Variants in FBXW12 observed in about 807,000 individuals in gnomAD.
FBXW12 encodes F-box and WD repeat domain containing 12, also known as F-box/WD repeat-containing protein 12.
In FBXW12, 43 loss-of-function variants were observed where a neutral mutation model predicts 55.3. The observed-to-expected ratio is 0.78, with a 90% CI of 0.61 to 1.00. FBXW12 has a LOEUF of 1.00. Ranked by LOEUF, FBXW12 falls within the 50% of genes least tolerant of loss-of-function variation. The probability of loss-of-function intolerance (pLI) is 0.00; values close to 1 mark genes in which losing one functional copy is unlikely to be tolerated. For missense variants in FBXW12, 524 were observed against 560.5 expected (o/e 0.93, Z 0.66); for synonymous variants, 184 against 203.8 (o/e 0.90, Z 0.83).
At position 48,372,782 on chromosome 3, in the gene FBXW12, G is replaced by T; in HGVS notation, c.15G>T (p.Leu5Phe). MEIRLPDLALKRIFS... is the reference protein window; with the variant it reads MEIRFPDLALKRIFS... ...GGCCGCATGAAATGGAGATCCGATT[G>T]CCTGACTTAGCTTTGAAGCGAATCT... is the stretch of plus-strand genomic sequence containing the variant. Residue 5 changes from leucine to phenylalanine, a missense_variant, in exon 2 of 11, where the codon TTG becomes TTT. Physicochemically the swap from Leu to Phe is conservative, Grantham distance 22 (BLOSUM62 0). Transcript: ENST00000296438. The T allele has an allele frequency of 6.2e-7, 1 of 1,614,220 alleles. No homozygotes were observed. The highest frequency in any genetic ancestry group is 8.5e-7 in the Non-Finnish European group (1 of 1,180,026).
chr3:48,382,168 G>A, intron 10 of FBXW12, 83 bp downstream of exon 10: 1 of 1,459,800 alleles, frequency 6.9e-7, no homozygotes, highest in Admixed American at 2.0e-5. Flanking sequence ...CCAGGCTGTA[G>A]TGCAGTGGCG....
rs2036752595 is a variant in FBXW12, at chr3:48,380,686, G to A, written c.775-16G>A. On this transcript the variant is annotated splice_polypyrimidine_tract_variant and intron_variant, in intron 7 of 10. Coordinates refer to ENST00000296438, the MANE Select transcript of FBXW12 (RefSeq NM_207102.2). ...AAGTTCCCTGCCCCTGACCATGCAT[G>A]CGATGCTCTCTTTAGGTATTCCTCA... 6.3e-7 allele frequency: 1 copy of A among 1,597,388 alleles called. No homozygotes were observed. Among genetic ancestry groups the A allele is most frequent in the Non-Finnish European group, 8.6e-7 (1 of 1,164,770 alleles).
chr3:48,374,764 C>CTT lies in FBXW12; in HGVS notation c.287-569_287-568dup, dbSNP rs66751439. On this transcript the variant is annotated intron_variant, in intron 4 of 10. Transcript: ENST00000296438. ...TGTACCTGGCCTAATCCTGATAACA[C>CTT]TTTTTTTTTTTTTTTTTTTTTTAAA... 3.4e-3 allele frequency among the ~76,000 whole-genome samples: 278 copies of CTT among 82,652 alleles called. 3 individuals are homozygous for CTT. The highest frequency in any genetic ancestry group is 5.5e-3 in the Admixed American group (38 of 6,856). The allele number at this position is 82,652 out of a possible 152,430, so 54.2% of individuals were successfully genotyped here.
chr3:48,374,329 A>ATTT (rs35433340), intron 4 of FBXW12, among the ~76,000 whole-genome samples: 10,171 of 137,814 alleles, frequency 0.074, 955 homozygotes, highest in African/African-American at 0.22. Context: ...CAACCAGTTG[A>ATTT]TTTTTTTTTT....
At chr3:48,393,367 G>A (rs1301437877) in intron 10 of FBXW12, among the ~76,000 whole-genome samples, 1 of 152,182 alleles carries the variant, frequency 6.6e-6, no homozygotes, top group African/African-American at 2.4e-5. Context: ...AGTGTCTTCA[G>A]GGCCTGGTGG....
intron 5 of FBXW12, 111 bp downstream of exon 5, chr3:48,375,583 A>C (rs2036671154): frequency 1.5e-6 from 1 of 666,480 alleles, no homozygotes. Context: ...ACAAAAACAA[A>C]GTGTCAAATC....
At chr3:48,375,314 T>C (rs775307950) in intron 4 of FBXW12, 40 bp from the exon 5 acceptor site, 2 of 1,213,904 alleles carry the variant, frequency 1.6e-6, no homozygotes, top group Non-Finnish European at 2.4e-6. Context: ...GGATCATCCC[T>C]TAACTATCTG....
At chr3:48,386,547 G>A (rs1031075166) in intron 10 of FBXW12, among the ~76,000 whole-genome samples, 6 of 152,178 alleles carry the variant, frequency 3.9e-5, no homozygotes, top group Non-Finnish European at 7.3e-5. Context: ...AATTTTGATA[G>A]GGATTGCATT....
rs748242999 is a variant in FBXW12, at chr3:48,373,381, A to T, written c.128+36A>T. On this transcript the variant is annotated intron_variant, in intron 3 of 10. Coordinates refer to ENST00000296438, the MANE Select transcript of FBXW12 (RefSeq NM_207102.2). ...GGAAAGGGCAAGGAGGGAAGGGGAG[A>T]GGAGATCATCTGACTGCGCACCCAT... 3.7e-6 allele frequency: 6 copies of T among 1,613,552 alleles called. No individual in the cohort carries two copies. In the African/African-American group the frequency reaches 6.7e-5, roughly 18 times the overall value.
chr3:48,386,725 T>G (rs997193896), intron 10 of FBXW12, among the ~76,000 whole-genome samples: 1 of 152,228 alleles, frequency 6.6e-6, no homozygotes, highest in African/African-American at 2.4e-5. Flanking sequence ...CTCAAGTATT[T>G]CAGTTTTGGA....
intron 10 of FBXW12, among the ~76,000 whole-genome samples, chr3:48,390,130 T>G (rs570007454): frequency 1.3e-5 from 2 of 152,332 alleles, no homozygotes; most frequent in East Asian, 3.9e-4. Context: ...TATAGTATAG[T>G]TTGAAGTCAG....
chr3:48,392,590 T>C (rs2036945351), intron 10 of FBXW12, among the ~76,000 whole-genome samples: 1 of 152,184 alleles, frequency 6.6e-6, no homozygotes, highest in Admixed American at 6.5e-5. Context: ...TGGCTTTGAC[T>C]ATTTGGGGTC....
intron 1 of FBXW12, 139 bp from the exon 2 acceptor site, chr3:48,372,544 TG>T: frequency 9.3e-7 from 1 of 1,080,490 alleles, no homozygotes; most frequent in Non-Finnish European, 1.3e-6. Flanking sequence ...CACTAACAAG[TG>T]GGTTTAGGTA....
chr3:48,374,393 T>A (rs1053189655), intron 4 of FBXW12, among the ~76,000 whole-genome samples: 1 of 151,232 alleles, frequency 6.6e-6, no homozygotes, highest in Non-Finnish European at 1.5e-5. Context: ...AATGGCACGA[T>A]CTCGGCTCAC....
Position 48,394,715 on chromosome 3 carries a change from T to C in FBXW12, c.*56T>C. On this transcript the variant is annotated 3_prime_UTR_variant, in exon 11 of 11. Transcript: ENST00000296438. ...ATCTTCTGCAATGTAGTAAAGAAAT[T>C]CTATTTGCAAGCCCAGAATGATTAT... 1.1e-6 allele frequency: 1 copy of C among 951,948 alleles called. No individual in the cohort carries two copies. Among genetic ancestry groups the C allele is most frequent in the South Asian group, 1.4e-5 (1 of 70,754 alleles). The allele number at this position is 951,948 out of a possible 1,614,324, so 59.0% of individuals were successfully genotyped here.
chr3:48,374,786 T>TA (rs375032054), intron 4 of FBXW12, among the ~76,000 whole-genome samples: 10 of 120,150 alleles, frequency 8.3e-5, no homozygotes, highest in Non-Finnish European at 1.0e-4. Flanking sequence ...TTTTTTTTTT[T>TA]AAAAACAGAG....
intron 10 of FBXW12, among the ~76,000 whole-genome samples, chr3:48,391,469 A>G (rs1425384070): frequency 6.6e-6 from 1 of 151,884 alleles, no homozygotes; most frequent in Non-Finnish European, 1.5e-5. Flanking sequence ...TCTAGCTAGG[A>G]CTTCCTAGCT....
chr3:48,373,421 C>T, intron 3 of FBXW12, 76 bp downstream of exon 3: 2 of 1,612,160 alleles, frequency 1.2e-6, no homozygotes, highest in Non-Finnish European at 1.7e-6. Context: ...TGTCCCAAGG[C>T]CTGTGTGGCT....
At chr3:48,379,274 G>GTCTA in intron 6 of FBXW12, 126 bp from the exon 7 acceptor site, 1 of 877,168 alleles carries the variant, frequency 1.1e-6, no homozygotes, top group East Asian at 2.4e-5. Flanking sequence ...ACTGGTCAGA[G>GTCTA]GTTTTGATCT....
Sources: gnomAD v4.1 joint callset for allele counts (sites outside exome capture counted in the v4.1 genomes callset) on GRCh38, gnomAD v4.1.1 for gene constraint, MANE v1.5 for transcripts, NCBI Gene and HGNC (gene_info 2026-07-23, HGNC 2026-07-21) for gene names.